Variants in KLHL3 observed in about 807,000 individuals in gnomAD.
KLHL3 encodes kelch like family member 3.
KLHL3 carries 19 observed loss-of-function variants against 70.5 expected under a neutral mutation model. That is an observed-to-expected ratio of 0.27 (90% CI 0.19 to 0.40). KLHL3 has a LOEUF of 0.40. KLHL3 is among the 10% of genes least tolerant of loss of function. The pLI is 1.00. For synonymous variants in KLHL3, 258 were observed against 290.3 expected (o/e 0.89, Z 1.13); for missense variants, 512 against 771.1 (o/e 0.66, Z 3.98).
At chr5:137,708,061 C>A (rs1391196489) in intron 3 of KLHL3, among the ~76,000 whole-genome samples, 2 of 152,152 alleles carry the variant, frequency 1.3e-5, no homozygotes, top group African/African-American at 4.8e-5. Flanking sequence ...AAAGGCCTTG[C>A]AGCTAGGGTT....
intron 2 of KLHL3, among the ~76,000 whole-genome samples, chr5:137,719,924 T>G (rs189476234): frequency 1.7e-4 from 26 of 152,342 alleles, no homozygotes; most frequent in African/African-American, 5.5e-4. Context: ...TCCCCTGTGA[T>G]TAATCATTAA....
At chr5:137,692,690 G>A in intron 4 of KLHL3, 2 of 467,184 alleles carry the variant, frequency 4.3e-6, no homozygotes, top group African/African-American at 1.9e-5. Context: ...AATCCCTGGG[G>A]ATCTTATTAA....
intron 6 of KLHL3, chr5:137,671,794 T>G (rs145955481): frequency 6.0e-4 from 92 of 152,220 alleles, no homozygotes; most frequent in African/African-American, 2.1e-3. Flanking sequence ...GCCAAGAAGG[T>G]AGGTGCCCTT....
intron 6 of KLHL3, among the ~76,000 whole-genome samples, chr5:137,676,931 G>A (rs1350171935): frequency 1.3e-5 from 2 of 152,116 alleles, no homozygotes; most frequent in Admixed American, 1.3e-4. Context: ...GCTTCACAGG[G>A]GTATGGTAGA....
At chr5:137,668,110 T>C (rs548371837) in intron 6 of KLHL3, among the ~76,000 whole-genome samples, 2 of 152,264 alleles carry the variant, frequency 1.3e-5, no homozygotes, top group African/African-American at 2.4e-5. Context: ...ACAATTAATT[T>C]TAAAAACCTA....
Position 137,707,569 on chromosome 5 carries a change from A to T in KLHL3, c.241+2181T>A, listed in dbSNP as rs565527708. On this transcript the variant is annotated intron_variant, in intron 3 of 14. Coordinates refer to ENST00000309755, the MANE Select transcript of KLHL3 (RefSeq NM_017415.3). Reference sequence around the variant, plus strand: ...CTTACCTAGATGTTGTAGTACACGTAATTTTTTACTTTTTGCTTGCCCACA... The same window carrying T: ...CTTACCTAGATGTTGTAGTACACGTTATTTTTTACTTTTTGCTTGCCCACA... The T allele has an allele frequency of 7.8e-5, 12 of 154,550 alleles. No homozygotes were observed. The South Asian group carries it at 2.0e-3, about 26-fold the overall frequency. The allele number at this position is 154,550 out of a possible 1,614,324, so 9.6% of individuals were successfully genotyped here. A position where few individuals can be genotyped will look rare whatever the true frequency, so the allele number is the denominator to read the frequency against.
intron 4 of KLHL3, 52 bp from the exon 5 acceptor site, chr5:137,692,499 A>G (rs1752348237): frequency 1.9e-6 from 3 of 1,546,864 alleles, no homozygotes; most frequent in Non-Finnish European, 2.7e-6. Flanking sequence ...GCAGAGACTC[A>G]TCTGCCTTTT....
At chr5:137,668,088 C>T (rs1333663605) in intron 6 of KLHL3, among the ~76,000 whole-genome samples, 1 of 152,160 alleles carries the variant, frequency 6.6e-6, no homozygotes, top group East Asian at 1.9e-4. Flanking sequence ...ATGCAATTTG[C>T]ATCTCAGAGA....
At chr5:137,633,546 A>G (rs2349010) in intron 12 of KLHL3, among the ~76,000 whole-genome samples, 53,732 of 151,976 alleles carry the variant, frequency 0.35, 10,207 homozygotes, top group East Asian at 0.54. Flanking sequence ...ACTGACTACC[A>G]CAAAGTCATA....
chr5:137,626,829 C>A (rs1261267075), intron 13 of KLHL3, among the ~76,000 whole-genome samples: 1 of 152,080 alleles, frequency 6.6e-6, no homozygotes, highest in Non-Finnish European at 1.5e-5. Context: ...CATGGTGAAA[C>A]CCTGTCTCTA....
At chr5:137,673,648 T>C (rs1751816887) in intron 6 of KLHL3, 1 of 152,206 alleles carries the variant, frequency 6.6e-6, no homozygotes, top group Admixed American at 6.5e-5. Flanking sequence ...CTCAGCTGGC[T>C]CAGTGCAAAC....
At chr5:137,685,585 A>G (rs947277274) in intron 5 of KLHL3, among the ~76,000 whole-genome samples, 2 of 152,244 alleles carry the variant, frequency 1.3e-5, no homozygotes, top group African/African-American at 2.4e-5. Context: ...TCATGAGTAT[A>G]AATTGCTTTT....
intron 8 of KLHL3, among the ~76,000 whole-genome samples, chr5:137,642,402 C>T (rs148212295): frequency 2.6e-4 from 40 of 152,284 alleles, no homozygotes; most frequent in Non-Finnish European, 3.8e-4. Context: ...GCCTCCAGGT[C>T]AGAACTACAT....
intron 1 of KLHL3, among the ~76,000 whole-genome samples, chr5:137,725,799 G>A (rs1225061006): frequency 6.6e-6 from 1 of 152,114 alleles, no homozygotes; most frequent in African/African-American, 2.4e-5. Context: ...ACCACTACTG[G>A]TGCCATGATG....
rs1750541767 is a variant in KLHL3, at chr5:137,628,520, G to A, written c.1451-83C>T. ...GAGGCCTGGCATCCAGTCCTGGACA[G>A]CCCTGACCAGTGAGGGGACTTGGGG... On this transcript the variant is annotated intron_variant, in intron 12 of 14. Coordinates refer to ENST00000309755, the MANE Select transcript of KLHL3 (RefSeq NM_017415.3). 7.9e-6 allele frequency: 12 copies of A among 1,510,290 alleles called. 1 individual carries two copies. The South Asian group carries it at 1.5e-4, about 18-fold the overall frequency. The allele number at this position is 1,510,290 out of a possible 1,614,324, so 93.6% of individuals were successfully genotyped here. A position where few individuals can be genotyped will look rare whatever the true frequency, so the allele number is the denominator to read the frequency against.
chr5:137,708,728 C>G (rs1425526605), intron 3 of KLHL3, among the ~76,000 whole-genome samples: 2 of 152,128 alleles, frequency 1.3e-5, no homozygotes, highest in Non-Finnish European at 1.5e-5. Context: ...TAGAGAGAGG[C>G]CTGGTGTGGA....
At chr5:137,644,636 A>T (rs1750998681) in intron 8 of KLHL3, among the ~76,000 whole-genome samples, 3 of 152,378 alleles carry the variant, frequency 2.0e-5, no homozygotes, top group Middle Eastern at 6.8e-3. Context: ...AAACCCAAAC[A>T]GACCAATAAC....
chr5:137,723,773 T>G (rs1753040938), intron 1 of KLHL3, among the ~76,000 whole-genome samples: 1 of 152,248 alleles, frequency 6.6e-6, no homozygotes, highest in African/African-American at 2.4e-5. Flanking sequence ...ACAGAAAGGA[T>G]GCTAATGAAT....
chr5:137,674,490 A>G (rs1751838615), intron 6 of KLHL3, among the ~76,000 whole-genome samples: 1 of 152,232 alleles, frequency 6.6e-6, no homozygotes, highest in African/African-American at 2.4e-5. Context: ...CATTAATAGT[A>G]AAATATTACA....
Sources: gnomAD v4.1 joint callset for allele counts (sites outside exome capture counted in the v4.1 genomes callset) on GRCh38, gnomAD v4.1.1 for gene constraint, MANE v1.5 for transcripts, NCBI Gene and HGNC (gene_info 2026-07-23, HGNC 2026-07-21) for gene names.